The following RELN variants were observed in gnomAD, a reference collection of about 807,000 sequenced individuals.
RELN encodes reelin.
Under a neutral mutation model 427.6 loss-of-function variants are expected in RELN, and 108 were observed. That is an observed-to-expected ratio of 0.25 (90% confidence interval 0.22 to 0.30). The LOEUF (loss-of-function observed/expected upper bound fraction) is 0.30, where lower values mean the gene tolerates loss of function less well. Ranked by LOEUF, RELN falls within the 10% of genes least tolerant of loss-of-function variation. The probability of loss-of-function intolerance (pLI) is 1.00; values close to 1 mark genes in which losing one functional copy is unlikely to be tolerated. For synonymous variants in RELN, 1,524 were observed against 1,513.4 expected (o/e 1.01, Z -0.16); for missense variants, 3,715 against 4,302.8 (o/e 0.86, Z 3.82).
At chr7:103,907,415 G>GAGGAAA (rs1491587957) in intron 2 of RELN, among the ~76,000 whole-genome samples, 1 of 44,080 alleles carries the variant, frequency 2.3e-5, no homozygotes, top group Non-Finnish European at 4.2e-5. Context: ...CAAGGCTCTG[G>GAGGAAA]AAAAAAAAAA....
intron 24 of RELN, among the ~76,000 whole-genome samples, chr7:103,601,411 TCACC>T (rs1584333289): frequency 6.6e-6 from 1 of 152,236 alleles, no homozygotes; most frequent in Non-Finnish European, 1.5e-5. Context: ...TCTTTGTTCT[TCACC>T]TGCATTAAAA....
At chr7:103,660,283 G>A (rs1833111094) in intron 12 of RELN, among the ~76,000 whole-genome samples, 1 of 152,100 alleles carries the variant, frequency 6.6e-6, no homozygotes, top group African/African-American at 2.4e-5. Flanking sequence ...TTGATAAAAT[G>A]AGAGCCAGTT....
chr7:103,896,229 T>A (rs1051045059), intron 2 of RELN, among the ~76,000 whole-genome samples: 1 of 152,036 alleles, frequency 6.6e-6, no homozygotes, highest in South Asian at 2.1e-4. Context: ...TGTTGGTGAG[T>A]GTGTTAAAAG....
At chr7:103,669,810 T>A (rs1833351593) in intron 11 of RELN, among the ~76,000 whole-genome samples, 1 of 152,132 alleles carries the variant, frequency 6.6e-6, no homozygotes, top group Non-Finnish European at 1.5e-5. Flanking sequence ...GAGAGAGCTC[T>A]CTACAATGCA....
intron 5 of RELN, 125 bp from the exon 6 acceptor site, chr7:103,749,629 G>GTTGATTATA: frequency 1.4e-6 from 1 of 734,688 alleles, no homozygotes; most frequent in South Asian, 1.5e-5. Context: ...TAAATGAGCA[G>GTTGATTATA]TTGATTATAT....
intron 6 of RELN, among the ~76,000 whole-genome samples, chr7:103,743,613 G>T (rs111636095): frequency 0.22 from 33,227 of 152,002 alleles, 4,803 homozygotes; most frequent in African/African-American, 0.41. Context: ...GGTTGCAATC[G>T]TAGTCTCAGA....
intron 24 of RELN, among the ~76,000 whole-genome samples, chr7:103,597,975 T>G (rs1831577658): frequency 6.6e-6 from 1 of 152,202 alleles, no homozygotes; most frequent in Non-Finnish European, 1.5e-5. Context: ...TCTCTGAGAG[T>G]TCCCAGGAAG....
chr7:103,962,824 C>T (rs529494318), intron 1 of RELN, among the ~76,000 whole-genome samples: 1 of 152,284 alleles, frequency 6.6e-6, no homozygotes, highest in African/African-American at 2.4e-5. Flanking sequence ...TAAAAACTTA[C>T]AGCTTCATAA....
intron 31 of RELN, among the ~76,000 whole-genome samples, chr7:103,570,090 G>C (rs1297345238): frequency 6.6e-6 from 1 of 152,146 alleles, no homozygotes; most frequent in Admixed American, 6.6e-5. Context: ...AATGCCTGTG[G>C]GATGTGAATT....
At chr7:103,687,717 T>C (rs1013413180) in intron 10 of RELN, among the ~76,000 whole-genome samples, 1 of 152,120 alleles carries the variant, frequency 6.6e-6, no homozygotes, top group African/African-American at 2.4e-5. Flanking sequence ...TACTGAATAT[T>C]GTGTTAACTC....
chr7:103,942,451 A>G (rs1450349410), intron 1 of RELN, among the ~76,000 whole-genome samples: 2 of 152,210 alleles, frequency 1.3e-5, no homozygotes, highest in East Asian at 1.9e-4. Context: ...TCCTAGCTCA[A>G]TGATTCTCAA....
intron 1 of RELN, among the ~76,000 whole-genome samples, chr7:103,932,861 G>A (rs976768352): frequency 1.1e-4 from 16 of 152,156 alleles, no homozygotes; most frequent in Admixed American, 6.5e-5. Flanking sequence ...CAGTGCACAC[G>A]GGCAGGAAGA....
intron 33 of RELN, among the ~76,000 whole-genome samples, 172 bp downstream of exon 33, chr7:103,566,052 C>G (rs1463882286): frequency 1.3e-5 from 2 of 152,130 alleles, no homozygotes; most frequent in Non-Finnish European, 2.9e-5. Context: ...AAAACCGTCA[C>G]TAGGATCACC....
At chr7:103,747,513 G>A (rs773283725) in intron 6 of RELN, among the ~76,000 whole-genome samples, 14 of 151,990 alleles carry the variant, frequency 9.2e-5, no homozygotes, top group African/African-American at 7.3e-5. Context: ...TTTTCTCATG[G>A]TATCCATTTG....
At chr7:103,945,741 T>C (rs1584391105) in intron 1 of RELN, among the ~76,000 whole-genome samples, 1 of 152,244 alleles carries the variant, frequency 6.6e-6, no homozygotes, top group Non-Finnish European at 1.5e-5. Flanking sequence ...GGACCTCATA[T>C]ACGGCAATGG....
At chr7:103,546,566 A>G (rs768201883) in intron 41 of RELN, among the ~76,000 whole-genome samples, 2 of 152,162 alleles carry the variant, frequency 1.3e-5, no homozygotes, top group African/African-American at 2.4e-5. Context: ...AAATTTTTCT[A>G]TCTTACTTTC....
At chr7:103,949,224 C>T (rs1796284532) in intron 1 of RELN, among the ~76,000 whole-genome samples, 3 of 151,842 alleles carry the variant, frequency 2.0e-5, no homozygotes, top group Non-Finnish European at 4.4e-5. Flanking sequence ...AATAACAAAT[C>T]TCTACTGAAA....
At position 103,594,815 on chromosome 7, in the gene RELN, T is replaced by C. The variant is rs563648753; in HGVS notation, c.3540-323A>G. ...TTTTTAAAGAAATATCAAGATAAAA[T>C]TGTTTAATACTATTACATGAAGATA... On this transcript the variant is annotated intron_variant, in intron 25 of 64. Coordinates refer to ENST00000428762, the MANE Select transcript of RELN (RefSeq NM_005045.4). Among the ~76,000 whole-genome samples, 36 of 152,342 alleles carry C rather than the reference T, an allele frequency of 2.4e-4. 1 individual carries two copies. The highest frequency in any genetic ancestry group is 8.2e-4 in the African/African-American group (34 of 41,588).
Position 103,988,643 on chromosome 7 carries a change from C to G in RELN, c.226+488G>C, listed in dbSNP as rs1003995846. On this transcript the variant is annotated intron_variant, in intron 1 of 64. Transcript: ENST00000428762. This position sits in a 1 kb window ranked among gnomAD's most constrained non-coding sequence, Gnocchi z 4.9. Reference sequence around the variant, plus strand: ...TGGTGAGCAGCGGGAACTTTGCGGTCGAGCGGCGCGGGGCAGCCACAGACC... The same window carrying G: ...TGGTGAGCAGCGGGAACTTTGCGGTGGAGCGGCGCGGGGCAGCCACAGACC... Among the ~76,000 whole-genome samples the G allele has an allele frequency of 1.3e-5, 2 of 152,156 alleles. No homozygotes were observed. The highest frequency in any genetic ancestry group is 2.9e-5 in the Non-Finnish European group (2 of 68,028).
Sources: gnomAD v4.1 joint callset for allele counts (sites outside exome capture counted in the v4.1 genomes callset) on GRCh38, gnomAD v4.1.1 for gene constraint, Gnocchi (gnomAD v3.1) non-coding constraint, MANE v1.5 for transcripts, NCBI Gene and HGNC (gene_info 2026-07-23, HGNC 2026-07-21) for gene names.